Variants in CORIN observed in about 807,000 individuals in gnomAD.
The protein encoded by CORIN is corin, serine peptidase.
In CORIN, 117 loss-of-function variants were observed where a neutral mutation model predicts 125.3. The ratio of observed to expected loss-of-function variants is 0.93; its 90% CI spans 0.80 to 1.09. The LOEUF is 1.09. CORIN is among the 50% of genes least tolerant of loss of function. The probability of loss-of-function intolerance (pLI) is 0.00; values close to 1 mark genes in which losing one functional copy is unlikely to be tolerated. For missense variants in CORIN, 1,253 were observed against 1,306.7 expected (o/e 0.96, Z 0.63); for synonymous variants, 450 against 466.4 (o/e 0.96, Z 0.45).
intron 19 of CORIN, among the ~76,000 whole-genome samples, chr4:47,622,947 T>C (rs1722380916): frequency 6.6e-6 from 1 of 152,196 alleles, no homozygotes; most frequent in Non-Finnish European, 1.5e-5. Flanking sequence ...CCAGTTCAAT[T>C]AAGTTCATTT....
intron 10 of CORIN, among the ~76,000 whole-genome samples, chr4:47,670,285 G>A (rs1560498327): frequency 6.6e-6 from 1 of 152,152 alleles, no homozygotes; most frequent in East Asian, 1.9e-4. Flanking sequence ...TTAATTCAAC[G>A]TGTTACCAAA....
intron 11 of CORIN, among the ~76,000 whole-genome samples, 188 bp from the exon 12 acceptor site, chr4:47,662,044 T>C (rs1309652809): frequency 6.6e-6 from 1 of 152,232 alleles, no homozygotes; most frequent in Admixed American, 6.5e-5. Flanking sequence ...GCAAAGAGTA[T>C]ACATTCCAGC....
intron 2 of CORIN, among the ~76,000 whole-genome samples, chr4:47,798,669 G>T (rs915389933): frequency 1.3e-5 from 2 of 152,070 alleles, no homozygotes; most frequent in East Asian, 1.9e-4. Context: ...TTTATTAAAA[G>T]AATGTTTTTA....
At chr4:47,759,582 CATATAAATGGCCAACAGGT>C (rs1302188869) in intron 4 of CORIN, among the ~76,000 whole-genome samples, 4 of 152,054 alleles carry the variant, frequency 2.6e-5, no homozygotes, top group Non-Finnish European at 5.9e-5. Flanking sequence ...CAAAAGAAGA[CATATAAATGGCCAACAGGT>C]ATATGAAAAA....
intron 2 of CORIN, among the ~76,000 whole-genome samples, chr4:47,804,523 C>A (rs1731680642): frequency 6.6e-6 from 1 of 151,654 alleles, no homozygotes; most frequent in Non-Finnish European, 1.5e-5. Flanking sequence ...TACTATGCAG[C>A]CATAAAAAGG....
intron 5 of CORIN, among the ~76,000 whole-genome samples, chr4:47,711,922 G>A (rs1003372525): frequency 6.6e-6 from 1 of 152,186 alleles, no homozygotes; most frequent in Non-Finnish European, 1.5e-5. Flanking sequence ...ACAGACTTCA[G>A]CAATCCAGTC....
chr4:47,617,881 A>G (rs890829991), intron 19 of CORIN, among the ~76,000 whole-genome samples: 2 of 152,206 alleles, frequency 1.3e-5, no homozygotes, highest in African/African-American at 4.8e-5. Context: ...AGCAAGAACA[A>G]AGATTTTGTT....
rs1726324439 is a variant in CORIN at position 47,702,120 on chromosome 4, A to C, written c.800-9037T>G. ...AGGAAATAAACACTTAGTTTCTTTA[A>C]AAAAATTGTGTTTAATAATACTTTA... On this transcript the variant is annotated intron_variant, in intron 5 of 21. Coordinates refer to ENST00000273857, the MANE Select transcript of CORIN (RefSeq NM_006587.4). Among the ~76,000 whole-genome samples, 4 of 152,240 alleles carry C rather than the reference A, an allele frequency of 2.6e-5. No individual in the cohort carries two copies. The South Asian group carries it at 8.3e-4, about 32-fold the overall frequency.
At position 47,621,107 on chromosome 4, in the gene CORIN, T is replaced by C. The variant is rs532610706; in HGVS notation, c.2540+2464A>G. Among the ~76,000 whole-genome samples, 7 of 152,220 alleles carry C rather than the reference T, an allele frequency of 4.6e-5. No homozygotes were observed. The South Asian group carries it at 1.5e-3, about 32-fold the overall frequency. Reference sequence around the variant, plus strand: ...TACAATAAAATGGCTAGTATGGTGGTTTTCAAAACCTGTCCTCAAGTCCTT... The same window carrying C: ...TACAATAAAATGGCTAGTATGGTGGCTTTCAAAACCTGTCCTCAAGTCCTT... On this transcript the variant is annotated intron_variant, in intron 19 of 21. Coordinates refer to ENST00000273857, the MANE Select transcript of CORIN (RefSeq NM_006587.4).
intron 5 of CORIN, among the ~76,000 whole-genome samples, chr4:47,735,578 A>T (rs1314044689): frequency 2.0e-5 from 3 of 152,176 alleles, no homozygotes; most frequent in African/African-American, 4.8e-5. Context: ...ATATCCTCTG[A>T]TATTAGAGAG....
chr4:47,631,505 C>T (rs1284572927), intron 16 of CORIN, among the ~76,000 whole-genome samples: 1 of 152,080 alleles, frequency 6.6e-6, no homozygotes. Flanking sequence ...CCATCACCCT[C>T]AGATGGGACC....
intron 3 of CORIN, among the ~76,000 whole-genome samples, chr4:47,776,977 T>A (rs936817514): frequency 6.6e-6 from 1 of 152,256 alleles, no homozygotes; most frequent in Admixed American, 6.5e-5. Context: ...AGCAATATTA[T>A]ATTTTAGAAA....
intron 5 of CORIN, among the ~76,000 whole-genome samples, chr4:47,734,818 G>C (rs1161057657): frequency 6.6e-6 from 1 of 152,164 alleles, no homozygotes; most frequent in African/African-American, 2.4e-5. Context: ...CTACCTACTA[G>C]GTGTTAGTAG....
At chr4:47,737,781 T>C (rs914779411) in intron 5 of CORIN, among the ~76,000 whole-genome samples, 1 of 152,178 alleles carries the variant, frequency 6.6e-6, no homozygotes, top group African/African-American at 2.4e-5. Flanking sequence ...GTTATTGATC[T>C]AGATAACCTC....
At chr4:47,651,975 C>G (rs188859262) in intron 13 of CORIN, among the ~76,000 whole-genome samples, 3 of 152,220 alleles carry the variant, frequency 2.0e-5, no homozygotes, top group Admixed American at 2.0e-4. Flanking sequence ...TAGGTCTAGC[C>G]ACCCCAACAA....
chr4:47,632,770 T>TAGATAGATAGATAGATAGATAGATAG (rs1560481534), intron 16 of CORIN, among the ~76,000 whole-genome samples: 1 of 111,408 alleles, frequency 9.0e-6, no homozygotes, highest in Non-Finnish European at 1.9e-5. Context: ...TAGATAGAGA[T>TAGATAGATAGATAGATAGATAGATAG]AGATAGTTAG....
At chr4:47,660,902 A>G (rs1323684046) in intron 12 of CORIN, among the ~76,000 whole-genome samples, 1 of 152,234 alleles carries the variant, frequency 6.6e-6, no homozygotes, top group East Asian at 1.9e-4. Flanking sequence ...CACTATTCAC[A>G]ATAGCCAAGA....
rs58407690 is a variant in CORIN, at chr4:47,642,700, A to T, written c.2068+446T>A. 2.8e-3 allele frequency: 1,655 copies of T among 585,386 alleles called. 23 individuals are homozygous for T. The African/African-American group carries it at 0.028, about 10-fold the overall frequency. 36.3% of individuals were successfully genotyped at this position (585,386 alleles called of 1,614,324 possible). ...GCAACACTGGAGGTGCTGGTAGGAG[A>T]TGTCTTTAATTCCTGTCTGTGTAAG... On this transcript the variant is annotated intron_variant, in intron 15 of 21. Transcript: ENST00000273857.
intron 2 of CORIN, among the ~76,000 whole-genome samples, chr4:47,792,482 G>C (rs1731122966): frequency 6.6e-6 from 1 of 152,214 alleles, no homozygotes; most frequent in African/African-American, 2.4e-5. Flanking sequence ...TATGGACAAA[G>C]GGAACATTAG....
Sources: gnomAD v4.1 joint callset for allele counts (sites outside exome capture counted in the v4.1 genomes callset) on GRCh38, gnomAD v4.1.1 for gene constraint, MANE v1.5 for transcripts, NCBI Gene and HGNC (gene_info 2026-07-23, HGNC 2026-07-21) for gene names.